The following RNF217 variants were observed in gnomAD, a reference collection of about 807,000 sequenced individuals.
The protein encoded by RNF217 is E3 ubiquitin-protein ligase RNF217.
In RNF217, 31 loss-of-function variants were observed where a neutral mutation model predicts 57.8. That is an observed-to-expected ratio of 0.54 (90% CI 0.40 to 0.72). The LOEUF is 0.72. RNF217 is among the 30% of genes least tolerant of loss of function. The pLI is 0.00. For missense variants in RNF217, 696 were observed against 708.3 expected, an observed-to-expected ratio of 0.98 and a Z score of 0.20; for synonymous variants, 313 against 294.0, an observed-to-expected ratio of 1.06 and a Z score of -0.66.
intron 1 of RNF217, among the ~76,000 whole-genome samples, chr6:124,978,130 T>C (rs556754437): frequency 1.3e-5 from 2 of 152,260 alleles, no homozygotes; most frequent in South Asian, 4.1e-4. Context: ...TCCAGCTTCT[T>C]AGAAACTTTA....
At chr6:125,024,416 C>T (rs8180579) in intron 1 of RNF217, among the ~76,000 whole-genome samples, 29,546 of 147,378 alleles carry the variant, frequency 0.2, 3,494 homozygotes, top group East Asian at 0.41. Context: ...AATCCCATCT[C>T]CACTAAAATA....
At chr6:125,012,119 TAAAAAG>T (rs1467036016) in intron 1 of RNF217, among the ~76,000 whole-genome samples, 1 of 152,014 alleles carries the variant, frequency 6.6e-6, no homozygotes, top group Non-Finnish European at 1.5e-5. Context: ...AAAAGATACT[TAAAAAG>T]AAACAATAAG....
At chr6:124,995,414 G>A (rs1033986902) in intron 1 of RNF217, among the ~76,000 whole-genome samples, 21 of 152,250 alleles carry the variant, frequency 1.4e-4, no homozygotes, top group African/African-American at 5.1e-4. Flanking sequence ...ACAAATGTAT[G>A]CATCCCTAAA....
rs1788801655 is a variant in RNF217 at position 125,087,388 on chromosome 6, A to G, written c.*4451A>G. ...CATTGGATTATATTTTTATTCTCCC[A>G]TATTTGTGGCTGAAATCTCTCCCAA... is the stretch of plus-strand genomic sequence containing the variant. On this transcript the variant is annotated 3_prime_UTR_variant, in exon 6 of 6. Transcript: ENST00000521654. 1 of 152,110 alleles carries G rather than the reference A, an allele frequency of 6.6e-6. No individual in the cohort carries two copies. The highest frequency in any genetic ancestry group is 2.4e-5 in the African/African-American group (1 of 41,426). 9.4% of individuals were successfully genotyped at this position (152,110 alleles called of 1,614,324 possible).
chr6:124,996,721 G>A lies in RNF217; in HGVS notation c.882+33295G>A, dbSNP rs1431986351. On this transcript the variant is annotated intron_variant, in intron 1 of 5. Transcript: ENST00000521654. ...AGATGCAAAAGTAAATGATTACAAT[G>A]AGACTATAAGTCACAACAATTACAA... 6.6e-5 allele frequency: 10 copies of A among 152,270 alleles called. No individual in the cohort carries two copies. The East Asian group carries it at 1.9e-3, about 29-fold the overall frequency. The allele number at this position is 152,270 out of a possible 1,614,324, so 9.4% of individuals were successfully genotyped here.
intron 3 of RNF217, among the ~76,000 whole-genome samples, chr6:125,064,612 TAA>T (rs1360064861): frequency 6.6e-6 from 1 of 152,032 alleles, no homozygotes; most frequent in East Asian, 1.9e-4. Context: ...AATGAAGAAG[TAA>T]AAGAGGAAAT....
intron 1 of RNF217, among the ~76,000 whole-genome samples, chr6:124,986,612 T>C (rs1784369948): frequency 6.6e-6 from 1 of 152,214 alleles, no homozygotes; most frequent in Non-Finnish European, 1.5e-5. Flanking sequence ...CTTTTTGTGT[T>C]TATTCAAAAG....
intron 1 of RNF217, among the ~76,000 whole-genome samples, chr6:124,990,525 T>C (rs1199649203): frequency 6.6e-6 from 1 of 152,192 alleles, no homozygotes; most frequent in Non-Finnish European, 1.5e-5. Flanking sequence ...TTGATGGCCA[T>C]TCCATTTTTC....
chr6:125,076,516 A>T (rs1291157396), intron 3 of RNF217, 141 bp from the exon 4 acceptor site: 12 of 623,024 alleles, frequency 1.9e-5, no homozygotes, highest in Non-Finnish European at 3.1e-5. Flanking sequence ...TATGATTATA[A>T]GCAAATTCAC....
chr6:125,057,903 A>T, intron 2 of RNF217, 39 bp from the exon 3 acceptor site: 2 of 1,520,870 alleles, frequency 1.3e-6, no homozygotes, highest in Middle Eastern at 1.7e-4. Flanking sequence ...CACTTTCAGT[A>T]TATCCACTAG....
intron 1 of RNF217, among the ~76,000 whole-genome samples, chr6:124,992,412 G>C (rs1784593098): frequency 6.6e-6 from 1 of 152,092 alleles, no homozygotes; most frequent in Non-Finnish European, 1.5e-5. Flanking sequence ...AAACTAAGAG[G>C]CTATAGAACA....
chr6:124,994,368 C>T (rs9385360), intron 1 of RNF217, among the ~76,000 whole-genome samples: 123,895 of 152,038 alleles, frequency 0.81, 50,843 homozygotes, highest in East Asian at 0.89. Flanking sequence ...TATGTATCTC[C>T]CTAAAGTGAG....
chr6:125,066,202 C>A (rs1325013873), intron 3 of RNF217, among the ~76,000 whole-genome samples: 1 of 152,176 alleles, frequency 6.6e-6, no homozygotes, highest in Non-Finnish European at 1.5e-5. Flanking sequence ...TACCTCCTAA[C>A]TGGTATCTCA....
At chr6:124,991,317 C>T (rs1431989363) in intron 1 of RNF217, among the ~76,000 whole-genome samples, 1 of 152,202 alleles carries the variant, frequency 6.6e-6, no homozygotes, top group Non-Finnish European at 1.5e-5. Context: ...AGTAGCTGTT[C>T]ATCTTTCCCA....
rs17052719 is a variant in RNF217 at position 125,082,320 on chromosome 6, G to A, written c.1556-544G>A. On this transcript the variant is annotated intron_variant, in intron 5 of 5. Coordinates refer to ENST00000521654, the MANE Select transcript of RNF217 (RefSeq NM_001286398.3). ...TTTTTTGCTAAATAAAATGATTTTC[G>A]TATGTCAACTTGGGTTTAGCAAGTA... 3.3e-3 allele frequency: 2,933 copies of A among 889,086 alleles called. 63 individuals are homozygous for A. The East Asian group carries it at 0.058, about 18-fold the overall frequency. The allele number at this position is 889,086 out of a possible 1,614,324, so 55.1% of individuals were successfully genotyped here.
intron 1 of RNF217, among the ~76,000 whole-genome samples, chr6:125,031,698 C>G (rs1016822739): frequency 6.6e-6 from 1 of 152,144 alleles, no homozygotes; most frequent in Non-Finnish European, 1.5e-5. Context: ...TTCATTAAAG[C>G]CATTCAGCTA....
intron 1 of RNF217, among the ~76,000 whole-genome samples, chr6:124,969,833 T>C (rs923243748): frequency 2.0e-5 from 3 of 152,034 alleles, no homozygotes; most frequent in Admixed American, 6.5e-5. Context: ...AGAGTGATAC[T>C]GGGGAGGGAT....
At chr6:125,043,164 G>A (rs180816351) in intron 1 of RNF217, among the ~76,000 whole-genome samples, 1 of 152,130 alleles carries the variant, frequency 6.6e-6, no homozygotes, top group African/African-American at 2.4e-5. Flanking sequence ...TCATCTTTAA[G>A]AGCCGTCCCA....
rs916099892 is a variant in RNF217 at position 125,084,573 on chromosome 6, C to T, written c.*1636C>T. 2 of 151,746 alleles carry T rather than the reference C, an allele frequency of 1.3e-5. No individual in the cohort carries two copies. The highest frequency in any genetic ancestry group is 6.6e-5 in the Admixed American group (1 of 15,216). The allele number at this position is 151,746 out of a possible 1,614,324, so 9.4% of individuals were successfully genotyped here. On this transcript the variant is annotated 3_prime_UTR_variant, in exon 6 of 6. Transcript: ENST00000521654. Reference sequence around the variant, plus strand: ...ATGAGTAGTTTATTTTTGTTGGGCTCCAGAGTGTAAGAATATTTTATTTTT... The same window carrying T: ...ATGAGTAGTTTATTTTTGTTGGGCTTCAGAGTGTAAGAATATTTTATTTTT...
Sources: gnomAD v4.1 joint callset for allele counts (sites outside exome capture counted in the v4.1 genomes callset) on GRCh38, gnomAD v4.1.1 for gene constraint, MANE v1.5 for transcripts, NCBI Gene and HGNC (gene_info 2026-07-23, HGNC 2026-07-21) for gene names.